Variants in NCAM1 observed in about 807,000 individuals in gnomAD.
NCAM1 encodes antigen recognized by monoclonal antibody 5.1H11.
NCAM1 carries 14 observed loss-of-function variants against 109.8 expected under a neutral mutation model. That is an observed-to-expected ratio of 0.13 (90% CI 0.08 to 0.20). The LOEUF (loss-of-function observed/expected upper bound fraction) is 0.20. NCAM1 is among the 10% of genes least tolerant of loss of function. The pLI, the probability that NCAM1 is intolerant of heterozygous loss-of-function variation, is 1.00. For missense variants in NCAM1, 774 were observed against 1,109.9 expected, an observed-to-expected ratio of 0.70 and a Z score of 4.30; for synonymous variants, 418 against 442.9, an observed-to-expected ratio of 0.94 and a Z score of 0.70.
intron 1 of NCAM1, among the ~76,000 whole-genome samples, chr11:113,100,629 G>T (rs1939830761): frequency 2.6e-5 from 4 of 152,104 alleles, no homozygotes; most frequent in African/African-American, 9.7e-5. Flanking sequence ...CCGTTCAGCT[G>T]CCTCTTTGAC....
At chr11:113,269,877 C>T (rs1946227220) in intron 17 of NCAM1, 1 of 430,852 alleles carries the variant, frequency 2.3e-6, no homozygotes, top group South Asian at 2.5e-5. Context: ...CTCCAACTGC[C>T]TCATTATCCG....
chr11:113,125,744 A>G (rs1312102550), intron 1 of NCAM1, among the ~76,000 whole-genome samples: 1 of 152,224 alleles, frequency 6.6e-6, no homozygotes, highest in Admixed American at 6.5e-5. Flanking sequence ...TAAAATATTG[A>G]TTAAGTTCAT....
At position 113,275,670 on chromosome 11, in the gene NCAM1, G is replaced by A. The variant is rs1177798481; in HGVS notation, c.*283G>A. Reference sequence around the variant, plus strand: ...ACCCACAGCCAAACTAGGACACTCCGTTCCCTGAAACCGTTAAAAAATCAA... The same window carrying A: ...ACCCACAGCCAAACTAGGACACTCCATTCCCTGAAACCGTTAAAAAATCAA... On this transcript the variant is annotated 3_prime_UTR_variant, in exon 20 of 20. Coordinates refer to ENST00000316851, the MANE Select transcript of NCAM1 (RefSeq NM_181351.5). 5 of 265,104 alleles carry A rather than the reference G, an allele frequency of 1.9e-5. No individual in the cohort carries two copies. The highest frequency in any genetic ancestry group is 7.7e-5 in the East Asian group (1 of 13,028). 16.4% of individuals were successfully genotyped at this position (265,104 alleles called of 1,614,324 possible). A position where few individuals can be genotyped will look rare whatever the true frequency, so the allele number is the denominator to read the frequency against.
intron 1 of NCAM1, among the ~76,000 whole-genome samples, chr11:113,166,416 C>T (rs1228095195): frequency 1.3e-5 from 2 of 152,202 alleles, no homozygotes; most frequent in African/African-American, 2.4e-5. Flanking sequence ...CAGAGGCACT[C>T]CTCTACCATT....
Position 113,274,905 on chromosome 11 carries a change from G to C in NCAM1, c.2457-362G>C, listed in dbSNP as rs1946370598. Among the ~76,000 whole-genome samples, 1 of 152,206 alleles carries C rather than the reference G, an allele frequency of 6.6e-6. No homozygotes were observed. The highest frequency in any genetic ancestry group is 2.4e-5 in the African/African-American group (1 of 41,452). On this transcript the variant is annotated intron_variant, in intron 19 of 19. Transcript: ENST00000316851. The surrounding 1 kb of genome is among the most constrained non-coding windows in gnomAD (Gnocchi z 4.1). The stretch of plus-strand genomic sequence containing the variant: ...CAGCTGGTCAGGGTGAGGAGGAGCT[G>C]CCTCTGCTGCCCCCTTCCACCACCC...
chr11:113,217,047 T>A (rs1481386721), intron 8 of NCAM1, among the ~76,000 whole-genome samples: 1 of 152,200 alleles, frequency 6.6e-6, no homozygotes, highest in African/African-American at 2.4e-5. Flanking sequence ...ATCAGGGTGA[T>A]ATGCTAAGCA....
chr11:113,239,933 C>T (rs150655433), intron 14 of NCAM1, among the ~76,000 whole-genome samples: 6 of 152,168 alleles, frequency 3.9e-5, no homozygotes, highest in Non-Finnish European at 7.3e-5. Context: ...ATCTAGCTCT[C>T]GAAGGAGACT....
intron 1 of NCAM1, among the ~76,000 whole-genome samples, chr11:113,114,999 A>C (rs1238241764): frequency 1.3e-5 from 2 of 152,232 alleles, no homozygotes; most frequent in East Asian, 3.8e-4. Context: ...AAATTCAAAA[A>C]TTCAGAAAAG....
At chr11:113,091,884 G>T (rs1315838158) in intron 1 of NCAM1, among the ~76,000 whole-genome samples, 2 of 152,190 alleles carry the variant, frequency 1.3e-5, no homozygotes, top group African/African-American at 4.8e-5. Flanking sequence ...AGTAAGATTA[G>T]AAGAGAAAGA....
chr11:113,042,331 C>T (rs10891494), intron 1 of NCAM1, among the ~76,000 whole-genome samples: 2 of 152,118 alleles, frequency 1.3e-5, no homozygotes, highest in African/African-American at 4.8e-5. Flanking sequence ...TCCCAGACAC[C>T]GAATTCAGTG....
intron 1 of NCAM1, among the ~76,000 whole-genome samples, chr11:113,195,573 G>T (rs934184921): frequency 5.6e-5 from 8 of 144,016 alleles, no homozygotes; most frequent in African/African-American, 2.1e-4. Context: ...CGCGATCTCG[G>T]CTCACTGCAA....
chr11:113,233,109 T>G lies in NCAM1; in HGVS notation c.1523-38T>G, dbSNP rs782408908. The G allele has an allele frequency of 6.3e-7, 1 of 1,590,976 alleles. No individual in the cohort carries two copies. Among genetic ancestry groups the G allele is most frequent in the Non-Finnish European group, 8.6e-7 (1 of 1,168,150 alleles). On this transcript the variant is annotated intron_variant, in intron 12 of 19. Transcript: ENST00000316851. The surrounding 1 kb of genome is among the most constrained non-coding windows in gnomAD (Gnocchi z 4.5). ...GAGAGTTAATGGTCTTGGGCCAAAC[T>G]GGGCTCACCTGAGTCTCCATATGTG... is the stretch of plus-strand genomic sequence containing the variant.
At chr11:113,225,361 G>T (rs782198988) in intron 9 of NCAM1, among the ~76,000 whole-genome samples, 1 of 152,214 alleles carries the variant, frequency 6.6e-6, no homozygotes, top group Non-Finnish European at 1.5e-5. Context: ...ATGAAATGAA[G>T]TGAGAAGAGA....
In NCAM1 at chr11:113,204,497, G is replaced by A. The variant is rs570581477; in HGVS notation, c.339G>A (p.Lys113=). The A allele has an allele frequency of 1.9e-6, 3 of 1,613,928 alleles. No individual in the cohort carries two copies. Among genetic ancestry groups the A allele is most frequent in the African/African-American group, 2.7e-5 (2 of 75,042 alleles). ...GSESEATVNV[K]IFQKLMFKNA... ...AGTCAGAGGCCACCGTCAACGTGAA[G>A]ATCTTTCGTAAGAGCCTCCTTCTTC... Residue 113 remains lysine (K), a synonymous_variant, in exon 3 of 20, where the codon AAG becomes AAA. Transcript: ENST00000316851.
At chr11:113,113,165 G>A (rs1565443865) in intron 1 of NCAM1, among the ~76,000 whole-genome samples, 1 of 152,110 alleles carries the variant, frequency 6.6e-6, no homozygotes, top group Non-Finnish European at 1.5e-5. Flanking sequence ...GTCTGCATGA[G>A]TCCAATTAGC....
chr11:113,143,872 T>C (rs900480110), intron 1 of NCAM1, among the ~76,000 whole-genome samples: 19 of 152,126 alleles, frequency 1.2e-4, no homozygotes, highest in African/African-American at 4.3e-4. Context: ...GCTGTGGAAG[T>C]AGTGATAAGA....
At chr11:113,227,000 C>T (rs1215904555) in intron 9 of NCAM1, among the ~76,000 whole-genome samples, 6 of 152,112 alleles carry the variant, frequency 3.9e-5, no homozygotes, top group Admixed American at 3.3e-4. Context: ...AATTGACACC[C>T]TAACACCACA....
intron 1 of NCAM1, among the ~76,000 whole-genome samples, chr11:113,082,260 G>T (rs571099138): frequency 1.3e-5 from 2 of 152,142 alleles, no homozygotes; most frequent in Non-Finnish European, 2.9e-5. Context: ...GATTGTTCCC[G>T]CATACTCTTA....
chr11:112,964,758 A>T (rs2134455487), intron 1 of NCAM1, among the ~76,000 whole-genome samples: 1 of 152,376 alleles, frequency 6.6e-6, no homozygotes, highest in Non-Finnish European at 1.5e-5. Context: ...TCACAACTCT[A>T]ACCAAACCCT....
Sources: allele counts gnomAD v4.1 joint callset (sites outside exome capture counted in the v4.1 genomes callset), GRCh38; gene constraint gnomAD v4.1.1; non-coding constraint Gnocchi (gnomAD v3.1); transcripts MANE v1.5; gene names NCBI Gene and HGNC (gene_info 2026-07-23, HGNC 2026-07-21).